The following UBTD2 variants were observed in gnomAD, a reference collection of about 807,000 sequenced individuals.
UBTD2 encodes the protein ubiquitin domain containing 2, also known as ubiquitin domain-containing protein 2.
UBTD2 carries 9 observed loss-of-function variants against 19.8 expected under a neutral mutation model. The ratio of observed to expected loss-of-function variants is 0.46; its 90% CI spans 0.27 to 0.79. The LOEUF is 0.79. UBTD2 is among the 30% of genes least tolerant of loss of function. The probability of loss-of-function intolerance (pLI) is 0.14; values close to 1 mark genes in which losing one functional copy is unlikely to be tolerated. For synonymous variants in UBTD2, 98 were observed against 103.9 expected (o/e 0.94, Z 0.35); for missense variants, 250 against 300.4 (o/e 0.83, Z 1.24).
chr5:172,255,757 G>A (rs1441222140), intron 1 of UBTD2, among the ~76,000 whole-genome samples: 2 of 152,172 alleles, frequency 1.3e-5, no homozygotes, highest in Non-Finnish European at 2.9e-5. Context: ...CTGGGACCCA[G>A]GGTGGGAGGG....
chr5:172,236,590 C>T lies in UBTD2; in HGVS notation c.71-2232G>A, dbSNP rs1368644578. Among the ~76,000 whole-genome samples, 3 of 152,186 alleles carry T rather than the reference C, an allele frequency of 2.0e-5. No individual in the cohort carries two copies. In the East Asian group the frequency reaches 5.8e-4, roughly 29 times the overall value. On this transcript the variant is annotated intron_variant, in intron 1 of 2. Transcript: ENST00000393792. ...TTGATTTTATTTTCTGCTACATTAT[C>T]ATTTAGATGAGTTAGAGACAGTTTA... is the stretch of plus-strand genomic sequence containing the variant.
At chr5:172,280,464 C>T (rs906471200) in intron 1 of UBTD2, among the ~76,000 whole-genome samples, 3 of 142,620 alleles carry the variant, frequency 2.1e-5, no homozygotes, top group South Asian at 4.7e-4. Context: ...GAGCAGAGAT[C>T]GTGCCACTGT....
At position 172,227,961 on chromosome 5, in the gene UBTD2, G is replaced by A. The variant is rs111301434; in HGVS notation, c.307+6161C>T. Among the ~76,000 whole-genome samples the A allele has an allele frequency of 5.1e-3, 783 of 152,182 alleles. 4 individuals carry two copies. The highest frequency in any genetic ancestry group is 7.3e-3 in the Non-Finnish European group (494 of 68,014). On this transcript the variant is annotated intron_variant, in intron 2 of 2. Coordinates refer to ENST00000393792, the MANE Select transcript of UBTD2 (RefSeq NM_152277.3). ...CCCAAAGTGCTGTGATTACAGGCAT[G>A]AGCCACTGTGCCCGGCCTGAAAAAT...
chr5:172,245,507 T>C (rs1412928583), intron 1 of UBTD2, among the ~76,000 whole-genome samples: 3 of 151,978 alleles, frequency 2.0e-5, no homozygotes, highest in African/African-American at 7.2e-5. Flanking sequence ...AGCTCAGGAG[T>C]TCGAGACCAG....
At chr5:172,268,035 T>C (rs986994509) in intron 1 of UBTD2, among the ~76,000 whole-genome samples, 2 of 152,248 alleles carry the variant, frequency 1.3e-5, no homozygotes, top group African/African-American at 4.8e-5. Flanking sequence ...CCAATGCCAT[T>C]ATAAAGTCAA....
At chr5:172,233,990 C>T (rs2113893465) in intron 2 of UBTD2, 132 bp downstream of exon 2, 1 of 845,548 alleles carries the variant, frequency 1.2e-6, no homozygotes, top group Non-Finnish European at 1.9e-6. Flanking sequence ...AAGAGGAATG[C>T]TATTCCTTGC....
intron 1 of UBTD2, among the ~76,000 whole-genome samples, chr5:172,275,933 C>T (rs114331976): frequency 0.014 from 2,134 of 152,286 alleles, 39 homozygotes; most frequent in African/African-American, 0.048. Flanking sequence ...CTCTTCTGTA[C>T]CCCTACATCC....
chr5:172,218,719 G>A (rs1294613712), intron 2 of UBTD2, among the ~76,000 whole-genome samples: 1 of 149,426 alleles, frequency 6.7e-6, no homozygotes, highest in Non-Finnish European at 1.5e-5. Context: ...GGGAGTTTGA[G>A]GCTGCAGTGA....
At chr5:172,248,182 T>G (rs1754921029) in intron 1 of UBTD2, among the ~76,000 whole-genome samples, 3 of 151,986 alleles carry the variant, frequency 2.0e-5, no homozygotes, top group Admixed American at 2.0e-4. Flanking sequence ...AGAGGAAAAT[T>G]CACAAATGTA....
rs186712376 is a variant in UBTD2, at chr5:172,232,422, G to A, written c.307+1700C>T. On this transcript the variant is annotated intron_variant, in intron 2 of 2. Coordinates refer to ENST00000393792, the MANE Select transcript of UBTD2 (RefSeq NM_152277.3). ...TGTATAGAAAAAGTGATCAGTGGGT[G>A]CTCAATAACATTAGTAACAGAAGAC... is the stretch of plus-strand genomic sequence containing the variant. Among the ~76,000 whole-genome samples, 12 of 151,964 alleles carry A rather than the reference G, an allele frequency of 7.9e-5. No homozygotes were observed. The East Asian group carries it at 1.9e-3, about 24-fold the overall frequency.
chr5:172,243,842 GTTGT>G (rs1409838862), intron 1 of UBTD2, among the ~76,000 whole-genome samples: 2 of 151,528 alleles, frequency 1.3e-5, no homozygotes, highest in African/African-American at 2.4e-5. Context: ...TTTTTTTGGC[GTTGT>G]TTAAGCCACC....
chr5:172,250,032 G>A (rs998979966), intron 1 of UBTD2, among the ~76,000 whole-genome samples: 1 of 152,152 alleles, frequency 6.6e-6, no homozygotes, highest in African/African-American at 2.4e-5. Context: ...AGACCAGCCT[G>A]GCAAACGTGG....
chr5:172,243,886 A>T (rs1772182841), intron 1 of UBTD2, among the ~76,000 whole-genome samples: 1 of 151,920 alleles, frequency 6.6e-6, no homozygotes, highest in South Asian at 2.1e-4. Context: ...TTTACAGGAT[A>T]CGACCACAGA....
In UBTD2 at chr5:172,212,064, G is replaced by A; in HGVS notation, c.471C>T (p.Arg157=). 6.2e-7 allele frequency: 1 copy of A among 1,614,170 alleles called. No individual in the cohort carries two copies. Among genetic ancestry groups the A allele is most frequent in the South Asian group, 1.1e-5 (1 of 91,080 alleles). Residue 157 remains arginine, a synonymous_variant, in exon 3 of 3, where the codon CGC becomes CGT. Transcript: ENST00000393792. ...GCTTGAGGTCTTTGCCTGTGGAAAGGCGCAAACGAAGCTGACATTCATATC... is the reference window on the plus strand; with the variant it reads ...GCTTGAGGTCTTTGCCTGTGGAAAGACGCAAACGAAGCTGACATTCATATC... The part of the protein sequence containing the change: ...NSGYECQLRL[R]LSTGKDLKLV...
chr5:172,232,176 G>C (rs1771914088), intron 2 of UBTD2, among the ~76,000 whole-genome samples: 1 of 152,236 alleles, frequency 6.6e-6, no homozygotes, highest in East Asian at 1.9e-4. Flanking sequence ...GGGAGGCTGA[G>C]GCATGAAAAT....
chr5:172,244,714 G>A (rs1359766919), intron 1 of UBTD2, among the ~76,000 whole-genome samples: 3 of 152,060 alleles, frequency 2.0e-5, no homozygotes, highest in South Asian at 2.1e-4. Context: ...AGTGAGGGAA[G>A]AAATCTGTTT....
intron 1 of UBTD2, among the ~76,000 whole-genome samples, chr5:172,236,721 C>A (rs1772016670): frequency 6.6e-6 from 1 of 152,154 alleles, no homozygotes; most frequent in South Asian, 2.1e-4. Context: ...AGTATTTCTA[C>A]AGAATTATCT....
chr5:172,230,472 G>A (rs892683600), intron 2 of UBTD2, among the ~76,000 whole-genome samples: 6 of 152,098 alleles, frequency 3.9e-5, no homozygotes, highest in South Asian at 2.1e-4. Context: ...TTTGGATACC[G>A]AGCACTCTGA....
At chr5:172,231,676 G>A (rs902896967) in intron 2 of UBTD2, among the ~76,000 whole-genome samples, 2 of 152,138 alleles carry the variant, frequency 1.3e-5, no homozygotes, top group African/African-American at 4.8e-5. Flanking sequence ...GAAATTCAAA[G>A]TTCCAACATT....
Sources: gnomAD v4.1 joint callset for allele counts (sites outside exome capture counted in the v4.1 genomes callset) on GRCh38, gnomAD v4.1.1 for gene constraint, MANE v1.5 for transcripts, NCBI Gene and HGNC (gene_info 2026-07-23, HGNC 2026-07-21) for gene names.